The following TSGA10 variants were observed in gnomAD, a reference collection of about 807,000 sequenced individuals.
TSGA10 encodes testis specific 10, also known as testis-specific gene 10 protein.
In TSGA10, 43 loss-of-function variants were observed where a neutral mutation model predicts 96.6. The ratio of observed to expected loss-of-function variants is 0.44; its 90% CI spans 0.35 to 0.57. TSGA10 has a LOEUF of 0.57. Ranked by LOEUF, TSGA10 falls within the 20% of genes least tolerant of loss-of-function variation. The probability of loss-of-function intolerance (pLI) is 0.01; values close to 1 mark genes in which losing one functional copy is unlikely to be tolerated. For missense variants in TSGA10, 703 were observed against 834.4 expected, an observed-to-expected ratio of 0.84 and a Z score of 1.94; for synonymous variants, 229 against 269.9, an observed-to-expected ratio of 0.85 and a Z score of 1.48.
chr2:99,022,972 G>A (rs1243493533), intron 17 of TSGA10, among the ~76,000 whole-genome samples: 1 of 152,092 alleles, frequency 6.6e-6, no homozygotes, highest in East Asian at 1.9e-4. Context: ...TGTATCTTAT[G>A]TAGAGAAATG....
In TSGA10 at chr2:99,020,428, T is replaced by C. The variant is rs145943193; in HGVS notation, c.1669A>G (p.Met557Val). ...TGCATGGAGATTCTCTCATTTGCCA[T>C]CTGACTCCTCAGGAGTTCAATTTCA... The part of the protein sequence containing the change: ...HSEIELLRSQ[M>V]ANERISMQNL... Residue 557 changes from methionine to valine, a missense_variant, in exon 18 of 21, where the codon ATG (methionine) becomes GTG (valine). Around this residue, in one of 3 missense-constraint regions of TSGA10, gnomAD observed 49 missense variants for 96.4 expected, o/e 0.51. Transcript: ENST00000393483. 1 of 1,613,926 alleles carries C rather than the reference T, an allele frequency of 6.2e-7. No homozygotes were observed. Among genetic ancestry groups the C allele is most frequent in the African/African-American group, 1.3e-5 (1 of 75,038 alleles).
intron 10 of TSGA10, among the ~76,000 whole-genome samples, chr2:99,096,842 G>A (rs956799233): frequency 6.6e-6 from 1 of 152,112 alleles, no homozygotes; most frequent in African/African-American, 2.4e-5. Context: ...ATTTTCTTAG[G>A]GATTTGTAGA....
chr2:99,136,538 C>T (rs2093334465), intron 1 of TSGA10, among the ~76,000 whole-genome samples: 1 of 27,198 alleles, frequency 3.7e-5, no homozygotes, highest in African/African-American at 7.6e-5. Flanking sequence ...TGGCTCACGC[C>T]TGTAATCCCA....
At chr2:99,127,584 A>C (rs556219663) in intron 1 of TSGA10, among the ~76,000 whole-genome samples, 1 of 152,360 alleles carries the variant, frequency 6.6e-6, no homozygotes, top group Non-Finnish European at 1.5e-5. Context: ...TATAGAAATA[A>C]TCCCTAGAAA....
In TSGA10 at chr2:99,078,820, A is replaced by G; in HGVS notation, c.728-7T>C. ...TTTTGCCTTGTAAAGTTATCTATGTATGCAATCATAAAAGTGTTGTTTTAA... is the reference window on the plus strand; with the variant it reads ...TTTTGCCTTGTAAAGTTATCTATGTGTGCAATCATAAAAGTGTTGTTTTAA... On this transcript the variant is annotated splice_polypyrimidine_tract_variant and splice_region_variant and intron_variant, in intron 11 of 20. Transcript: ENST00000393483. 6.2e-7 allele frequency: 1 copy of G among 1,602,010 alleles called. No homozygotes were observed. The highest frequency in any genetic ancestry group is 8.5e-7 in the Non-Finnish European group (1 of 1,176,228).
In TSGA10 at chr2:99,002,093, C is replaced by T. The variant is rs532478009; in HGVS notation, c.2073-3872G>A. The stretch of plus-strand genomic sequence containing the variant: ...TATTATCCAGGAGAACTTCCCCAAT[C>T]TAGCAAGGCAGGCCGACATTCAAAT... On this transcript the variant is annotated intron_variant, in intron 20 of 20. Coordinates refer to ENST00000393483, the MANE Select transcript of TSGA10 (RefSeq NM_025244.4). Among the ~76,000 whole-genome samples, 11 of 152,302 alleles carry T rather than the reference C, an allele frequency of 7.2e-5. No individual in the cohort carries two copies. In the East Asian group the frequency reaches 2.1e-3, roughly 29 times the overall value.
At chr2:99,011,224 C>G (rs1346024853) in intron 20 of TSGA10, among the ~76,000 whole-genome samples, 1 of 152,144 alleles carries the variant, frequency 6.6e-6, no homozygotes, top group Non-Finnish European at 1.5e-5. Flanking sequence ...CCTCCGACAC[C>G]CGGGTTCAAG....
At chr2:99,047,043 T>C (rs753379668) in intron 16 of TSGA10, among the ~76,000 whole-genome samples, 2 of 152,102 alleles carry the variant, frequency 1.3e-5, no homozygotes, top group Non-Finnish European at 2.9e-5. Context: ...AATCCCTGAA[T>C]AGACAAATAA....
At chr2:99,028,433 T>G (rs533247675) in intron 17 of TSGA10, among the ~76,000 whole-genome samples, 1 of 152,170 alleles carries the variant, frequency 6.6e-6, no homozygotes, top group Non-Finnish European at 1.5e-5. Context: ...AACTAACATA[T>G]CCATCACCTC....
intron 16 of TSGA10, among the ~76,000 whole-genome samples, chr2:99,043,389 T>C (rs2082402576): frequency 6.6e-6 from 1 of 151,710 alleles, no homozygotes; most frequent in Non-Finnish European, 1.5e-5. Context: ...CTCCGAAAAA[T>C]ATAGGACACT....
chr2:99,037,088 C>A (rs1390676364), intron 16 of TSGA10, among the ~76,000 whole-genome samples: 2 of 152,114 alleles, frequency 1.3e-5, no homozygotes, highest in African/African-American at 2.4e-5. Context: ...ACTGACAGAT[C>A]AAGCAGGCAG....
At chr2:99,118,510 T>C (rs1299664869) in intron 3 of TSGA10, 41 bp downstream of exon 3, 1 of 872,852 alleles carries the variant, frequency 1.1e-6, no homozygotes. Flanking sequence ...TGTGTATTAT[T>C]AACTTTTTAA....
At position 99,108,758 on chromosome 2, in the gene TSGA10, T is replaced by C. The variant is rs1256981075; in HGVS notation, c.210+75A>G. On this transcript the variant is annotated intron_variant, in intron 7 of 20. Coordinates refer to ENST00000393483, the MANE Select transcript of TSGA10 (RefSeq NM_025244.4). ...TGATTTGCAGGTTTAAGCAGTCTCA[T>C]AAAACTCAAAGAAGAATTACATAAC... 3.2e-5 allele frequency: 36 copies of C among 1,131,532 alleles called. 1 individual carries two copies. Among genetic ancestry groups the C allele is most frequent in the South Asian group, 2.8e-4 (14 of 49,992 alleles). 70.1% of individuals were successfully genotyped at this position (1,131,532 alleles called of 1,614,324 possible).
chr2:99,046,668 G>A (rs890583764), intron 16 of TSGA10, among the ~76,000 whole-genome samples: 6 of 152,020 alleles, frequency 3.9e-5, no homozygotes, highest in Non-Finnish European at 5.9e-5. Flanking sequence ...AAGAACTAGA[G>A]AAGCAAGAGC....
At chr2:99,024,099 CTT>C (rs59387881) in intron 17 of TSGA10, among the ~76,000 whole-genome samples, 1 of 147,634 alleles carries the variant, frequency 6.8e-6, no homozygotes, top group African/African-American at 2.5e-5. Context: ...AAGTATTTGT[CTT>C]TTTTTTTTTA....
intron 16 of TSGA10, among the ~76,000 whole-genome samples, chr2:99,048,015 G>A (rs1029115588): frequency 3.3e-5 from 5 of 152,064 alleles, no homozygotes; most frequent in Non-Finnish European, 5.9e-5. Context: ...AGCTTACAGG[G>A]GACATGAAGG....
At chr2:99,000,824 C>G (rs2077826024) in intron 20 of TSGA10, among the ~76,000 whole-genome samples, 1 of 152,152 alleles carries the variant, frequency 6.6e-6, no homozygotes. Flanking sequence ...GAGATTATAT[C>G]CCATGCATGG....
chr2:99,078,889 T>C, intron 11 of TSGA10, 76 bp from the exon 12 acceptor site: 2 of 1,276,834 alleles, frequency 1.6e-6, no homozygotes, highest in East Asian at 2.5e-5. Flanking sequence ...TTATCGTACT[T>C]TTTGAACTTC....
chr2:99,041,499 A>G (rs1407574387), intron 16 of TSGA10, among the ~76,000 whole-genome samples: 1 of 152,216 alleles, frequency 6.6e-6, no homozygotes, highest in Non-Finnish European at 1.5e-5. Flanking sequence ...GACCAATGGA[A>G]CAGAATAGAG....
Sources: gnomAD v4.1 joint callset for allele counts (sites outside exome capture counted in the v4.1 genomes callset) on GRCh38, gnomAD v4.1.1 for gene constraint, gnomAD v4.1.1 regional missense constraint, MANE v1.5 for transcripts, NCBI Gene and HGNC (gene_info 2026-07-23, HGNC 2026-07-21) for gene names.